SPP2: variants seen among roughly 807,000 people sequenced by gnomAD.
SPP2 encodes the protein secreted phosphoprotein 2.
Under a neutral mutation model 28.8 loss-of-function variants are expected in SPP2, and 34 were observed. The ratio of observed to expected loss-of-function variants is 1.18; its 90% CI spans 0.90 to 1.57. The LOEUF (loss-of-function observed/expected upper bound fraction) is 1.57. SPP2 is among the 40% of genes most tolerant of loss of function. The pLI, the probability that SPP2 is intolerant of heterozygous loss-of-function variation, is 0.00. For synonymous variants in SPP2, 96 were observed against 89.4 expected, an observed-to-expected ratio of 1.07 and a Z score of -0.42; for missense variants, 269 against 263.9, an observed-to-expected ratio of 1.02 and a Z score of -0.13.
chr2:234,067,365 C>A, intron 6 of SPP2, 91 bp downstream of exon 6: 1 of 1,156,220 alleles, frequency 8.6e-7, no homozygotes, highest in South Asian at 1.3e-5. Flanking sequence ...TTTCCTGTTT[C>A]ATAGGAGTTA....
Position 234,051,110 on chromosome 2 carries a change from A to C in SPP2, c.210+15A>C, listed in dbSNP as rs1301320011. The C allele has an allele frequency of 6.2e-7, 1 of 1,611,594 alleles. No individual in the cohort carries two copies. The highest frequency in any genetic ancestry group is 1.1e-5 in the South Asian group (1 of 91,014). On this transcript the variant is annotated intron_variant, in intron 2 of 7. Coordinates refer to ENST00000168148, the MANE Select transcript of SPP2 (RefSeq NM_006944.3). Reference sequence around the variant, plus strand: ...CATTAAAAAGAGTAAGTGCAAAATGAAATCTTCTCTACTCCTCCTTCCAAT... The same window carrying C: ...CATTAAAAAGAGTAAGTGCAAAATGCAATCTTCTCTACTCCTCCTTCCAAT...
chr2:234,067,981 G>T (rs1039807934), intron 6 of SPP2, among the ~76,000 whole-genome samples: 2 of 151,444 alleles, frequency 1.3e-5, no homozygotes, highest in African/African-American at 4.9e-5. Context: ...ACATTTATGG[G>T]GTACATGAGA....
chr2:234,052,138 C>T (rs944790086), intron 2 of SPP2, among the ~76,000 whole-genome samples: 1 of 152,042 alleles, frequency 6.6e-6, no homozygotes, highest in Non-Finnish European at 1.5e-5. Flanking sequence ...AGACTATGGG[C>T]TATGCTTTTT....
At chr2:234,059,054 G>T in intron 3 of SPP2, 96 bp downstream of exon 3, 1 of 1,451,224 alleles carries the variant, frequency 6.9e-7, no homozygotes. Context: ...TCGCTGCCTG[G>T]CTAGCATCTG....
At chr2:234,074,033 G>A (rs1690848093) in intron 7 of SPP2, among the ~76,000 whole-genome samples, 1 of 152,116 alleles carries the variant, frequency 6.6e-6, no homozygotes, top group Admixed American at 6.5e-5. Context: ...ACAATCAAAT[G>A]AAGTTTTATT....
At chr2:234,066,450 C>A in intron 4 of SPP2, 83 bp from the exon 5 acceptor site, 1 of 1,113,248 alleles carries the variant, frequency 9.0e-7, no homozygotes, top group Non-Finnish European at 1.4e-6. Flanking sequence ...TCAGAGTCTT[C>A]CAGATGACAT....
intron 7 of SPP2, among the ~76,000 whole-genome samples, chr2:234,074,770 T>A (rs1690862574): frequency 6.6e-6 from 1 of 152,204 alleles, no homozygotes; most frequent in African/African-American, 2.4e-5. Context: ...TCTATAACCT[T>A]GCTTTATGTG....
chr2:234,066,128 TG>T (rs1445902342), intron 4 of SPP2, among the ~76,000 whole-genome samples: 1 of 152,222 alleles, frequency 6.6e-6, no homozygotes, highest in Non-Finnish European at 1.5e-5. Flanking sequence ...GGACTTTTAG[TG>T]GTTTCATGAA....
intron 7 of SPP2, among the ~76,000 whole-genome samples, chr2:234,075,791 C>T (rs564824985): frequency 6.6e-5 from 10 of 152,310 alleles, no homozygotes; most frequent in Admixed American, 1.3e-4. Flanking sequence ...CAGACACCTC[C>T]GTCTGGGTAT....
At chr2:234,055,476 T>C (rs961258053) in intron 2 of SPP2, among the ~76,000 whole-genome samples, 2 of 152,238 alleles carry the variant, frequency 1.3e-5, no homozygotes, top group Non-Finnish European at 2.9e-5. Flanking sequence ...CAGAAAAATG[T>C]TGACCAAATA....
At chr2:234,054,775 G>T (rs993081502) in intron 2 of SPP2, among the ~76,000 whole-genome samples, 1 of 152,144 alleles carries the variant, frequency 6.6e-6, no homozygotes, top group Non-Finnish European at 1.5e-5. Context: ...TGTGTGGAGT[G>T]GGGTGTGAGG....
At chr2:234,066,471 C>T in intron 4 of SPP2, 62 bp from the exon 5 acceptor site, 1 of 1,363,636 alleles carries the variant, frequency 7.3e-7, no homozygotes, top group Non-Finnish European at 1.0e-6. Context: ...TTACATTTTT[C>T]AGTGTCTTTC....
In SPP2 at chr2:234,061,576, G is replaced by T. The variant is rs147502246; in HGVS notation, c.444+1097G>T. Among the ~76,000 whole-genome samples, 411 of 152,146 alleles carry T rather than the reference G, an allele frequency of 2.7e-3. 2 individuals are homozygous for T. The highest frequency in any genetic ancestry group is 9.4e-3 in the African/African-American group (392 of 41,516). ...GTTTTTCAAGATTTAACTCTGTAGT[G>T]AAAATTACATTAAAATATTATAAAA... On this transcript the variant is annotated intron_variant, in intron 4 of 7. Coordinates refer to ENST00000168148, the MANE Select transcript of SPP2 (RefSeq NM_006944.3).
intron 7 of SPP2, among the ~76,000 whole-genome samples, chr2:234,074,354 A>T (rs1217268433): frequency 6.6e-6 from 1 of 152,164 alleles, no homozygotes; most frequent in Non-Finnish European, 1.5e-5. Context: ...ATGTGGAAGG[A>T]CCGGTCCCTA....
Position 234,060,433 on chromosome 2 carries a change from G to T in SPP2, c.398G>T (p.Arg133Leu), listed in dbSNP as rs376262894. The T allele has an allele frequency of 6.2e-7, 1 of 1,613,272 alleles. No homozygotes were observed. Among genetic ancestry groups the T allele is most frequent in the South Asian group, 1.1e-5 (1 of 90,910 alleles). The stretch of plus-strand genomic sequence containing the variant: ...CAGCAGGTGCAGGGCGTGCATGCTC[G>T]CTGCAGCTGGTCCTCCTCCACGTCT... ...SAQQVQGVHA[R>L]CSWSSSTSES... is the part of the protein sequence containing the mutation. Residue 133 changes from arginine (R) to leucine (L), a missense_variant, in exon 4 of 8, where the codon CGC becomes CTC. Coordinates refer to ENST00000168148, the MANE Select transcript of SPP2 (RefSeq NM_006944.3).
At position 234,076,970 on chromosome 2, in the gene SPP2, G is replaced by A. The variant is rs1333017509; in HGVS notation, c.*136G>A. 6.6e-6 allele frequency: 1 copy of A among 152,026 alleles called. No individual in the cohort carries two copies. The highest frequency in any genetic ancestry group is 6.6e-5 in the Admixed American group (1 of 15,260). 9.4% of individuals were successfully genotyped at this position (152,026 alleles called of 1,614,324 possible). On this transcript the variant is annotated 3_prime_UTR_variant, in exon 8 of 8. Transcript: ENST00000168148. The stretch of plus-strand genomic sequence containing the variant: ...CCTGGGTCCCTGGCCTCCAAAGCTG[G>A]AATGTGAACGCATGCCACGGTGGTC...
intron 7 of SPP2, among the ~76,000 whole-genome samples, chr2:234,075,066 G>A (rs1690870540): frequency 6.6e-6 from 1 of 151,812 alleles, no homozygotes; most frequent in Non-Finnish European, 1.5e-5. Flanking sequence ...TTGACAGCAG[G>A]AGAGCTGAGA....
At chr2:234,058,733 G>A (rs1693657747) in intron 2 of SPP2, 103 bp from the exon 3 acceptor site, 9 of 1,331,968 alleles carry the variant, frequency 6.8e-6, no homozygotes, top group Non-Finnish European at 8.2e-6. Context: ...TTTCATGGTG[G>A]ACAATTCTGT....
At position 234,067,217 on chromosome 2, in the gene SPP2, G is replaced by A. The variant is rs1325213260; in HGVS notation, c.500-7G>A. ...AGTCTTGTCTTATGATTATTACTGT[G>A]TTACAGGTCTCATTTCAGACGAGTC... On this transcript the variant is annotated splice_region_variant and splice_polypyrimidine_tract_variant and intron_variant, in intron 5 of 7. Transcript: ENST00000168148. 2 of 1,613,132 alleles carry A rather than the reference G, an allele frequency of 1.2e-6. No individual in the cohort carries two copies. The highest frequency in any genetic ancestry group is 4.5e-5 in the East Asian group (2 of 44,858).
Sources: gnomAD v4.1 joint callset for allele counts (sites outside exome capture counted in the v4.1 genomes callset) on GRCh38, gnomAD v4.1.1 for gene constraint, MANE v1.5 for transcripts, NCBI Gene and HGNC (gene_info 2026-07-23, HGNC 2026-07-21) for gene names.